NECTIN1: variants seen among roughly 807,000 people sequenced by gnomAD.
The protein encoded by NECTIN1 is nectin-1.
NECTIN1 carries 23 observed loss-of-function variants against 48.0 expected under a neutral mutation model. The ratio of observed to expected loss-of-function variants is 0.48; its 90% CI spans 0.34 to 0.68. The LOEUF (loss-of-function observed/expected upper bound fraction) is 0.68, where lower values mean the gene tolerates loss of function less well. Among genes scored for constraint, NECTIN1 ranks in the 30% least tolerant of loss-of-function variants. The pLI, the probability that NECTIN1 is intolerant of heterozygous loss-of-function variation, is 0.01. For missense variants in NECTIN1, 591 were observed against 709.9 expected, an observed-to-expected ratio of 0.83 and a Z score of 1.90; for synonymous variants, 270 against 288.9, an observed-to-expected ratio of 0.93 and a Z score of 0.66.
chr11:119,648,316 A>ATGGTGGTGG (rs1565376589), intron 5 of NECTIN1, among the ~76,000 whole-genome samples: 1 of 8,976 alleles, frequency 1.1e-4, no homozygotes, highest in Non-Finnish European at 1.8e-4. Context: ...GATGGTGGTG[A>ATGGTGGTGG]TGGTGATGGT....
intron 1 of NECTIN1, among the ~76,000 whole-genome samples, chr11:119,701,139 G>A (rs1310860996): frequency 6.6e-6 from 1 of 152,182 alleles, no homozygotes; most frequent in African/African-American, 2.4e-5. Context: ...GCCTTGTAAC[G>A]TATGTAACTG....
At position 119,677,116 on chromosome 11, in the gene NECTIN1, C is replaced by T. The variant is rs749722693; in HGVS notation, c.837G>A (p.Glu279=). ...CKADANPPAT[E]YHWTTLNGSL... The stretch of plus-strand genomic sequence containing the variant: ...GCAGCACTTACGTGGTCCAGTGGTA[C>T]TCAGTGGCTGGGGGGTTAGCATCAG... The change falls in exon 4 of 6, where the codon GAG becomes GAA. Residue 279 remains glutamate (E), a synonymous_variant. Coordinates refer to ENST00000264025, the MANE Select transcript of NECTIN1 (RefSeq NM_002855.5). This position sits in a 1 kb window ranked among gnomAD's most constrained non-coding sequence, Gnocchi z 5.4. 3 of 1,614,010 alleles carry T rather than the reference C, an allele frequency of 1.9e-6. No homozygotes were observed. In the Admixed American group the frequency reaches 5.0e-5, roughly 27 times the overall value.
Position 119,661,189 on chromosome 11 carries a change from C to G in NECTIN1, c.*3558G>C. ...CGCCGAAGCAAGGTAGCGCATCACG[C>G]TGGGAGGGGAGGGTGGCAGCTTCTC... On this transcript the variant is annotated 3_prime_UTR_variant, in exon 6 of 6. Transcript: ENST00000264025. The G allele has an allele frequency of 1.0e-6, 1 of 985,858 alleles. No individual in the cohort carries two copies. Among genetic ancestry groups the G allele is most frequent in the Non-Finnish European group, 1.2e-6 (1 of 829,936 alleles). The allele number at this position is 985,858 out of a possible 1,614,324, so 61.1% of individuals were successfully genotyped here. A position where few individuals can be genotyped will look rare whatever the true frequency, so the allele number is the denominator to read the frequency against.
intron 5 of NECTIN1, among the ~76,000 whole-genome samples, chr11:119,649,016 A>G (rs1314195404): frequency 2.0e-5 from 3 of 152,306 alleles, no homozygotes; most frequent in Non-Finnish European, 4.4e-5. Flanking sequence ...CAGAGTCAGA[A>G]AGATGTGAGT....
At position 119,678,503 on chromosome 11, in the gene NECTIN1, C is replaced by T. The variant is rs1591459139; in HGVS notation, c.342G>A (p.Leu114=). Residue 114 remains leucine (L), a synonymous_variant, in exon 2 of 6, where the codon CTG becomes CTA. Coordinates refer to ENST00000264025, the MANE Select transcript of NECTIN1 (RefSeq NM_002855.5). This position sits in a 1 kb window ranked among gnomAD's most constrained non-coding sequence, Gnocchi z 4.4. ...TGTAGACACCCTCATCCTCCAGCTC[C>T]AGGCGGGAGAGGCGGATAGTGCCAT... ...FTDGTIRLSR[L]ELEDEGVYIC... is the part of the protein sequence containing the mutation. 4 of 1,614,244 alleles carry T rather than the reference C, an allele frequency of 2.5e-6. No homozygotes were observed. Among genetic ancestry groups the T allele is most frequent in the Non-Finnish European group, 3.4e-6 (4 of 1,180,048 alleles).
chr11:119,644,926 G>C (rs1864375852), intron 5 of NECTIN1, among the ~76,000 whole-genome samples: 3 of 152,154 alleles, frequency 2.0e-5, no homozygotes, highest in African/African-American at 7.2e-5. Context: ...TAATAGTAAT[G>C]CCCTCTCTCC....
At position 119,678,578 on chromosome 11, in the gene NECTIN1, C is replaced by T. The variant is rs1409214585; in HGVS notation, c.267G>A (p.Val89=). ...CCACACGCTCGCGGTAGGGAGCCAG[C>T]ACGGACACGCCCATGGATGGGTTGT... ...AIYNPSMGVS[V]LAPYRERVEF... The change falls in exon 2 of 6, where the codon GTG becomes GTA. Residue 89 remains valine (V), a synonymous_variant. Coordinates refer to ENST00000264025, the MANE Select transcript of NECTIN1 (RefSeq NM_002855.5). This position sits in a 1 kb window ranked among gnomAD's most constrained non-coding sequence, Gnocchi z 4.4. The T allele has an allele frequency of 1.2e-6, 2 of 1,614,078 alleles. No individual in the cohort carries two copies. The highest frequency in any genetic ancestry group is 1.7e-6 in the Non-Finnish European group (2 of 1,180,040).
At chr11:119,717,709 C>T (rs546145258) in intron 1 of NECTIN1, among the ~76,000 whole-genome samples, 136 of 152,318 alleles carry the variant, frequency 8.9e-4, no homozygotes, top group African/African-American at 3.0e-3. Flanking sequence ...GGGCCCGGTC[C>T]CAGAGGGCAG....
chr11:119,695,734 T>C (rs936010575), intron 1 of NECTIN1, among the ~76,000 whole-genome samples: 1 of 152,208 alleles, frequency 6.6e-6, no homozygotes, highest in Non-Finnish European at 1.5e-5. Flanking sequence ...AGAGAAAGGC[T>C]GATGGGCTGC....
intron 5 of NECTIN1, among the ~76,000 whole-genome samples, chr11:119,650,764 AATGATAGT>A (rs1282524019): frequency 3.2e-4 from 48 of 152,088 alleles, no homozygotes; most frequent in Admixed American, 2.6e-4. Context: ...CTGTGTTGGG[AATGATAGT>A]AAGAGTAATA....
At chr11:119,648,328 G>C (rs1167053789) in intron 5 of NECTIN1, among the ~76,000 whole-genome samples, 1 of 71,754 alleles carries the variant, frequency 1.4e-5, no homozygotes, top group Non-Finnish European at 2.7e-5. Flanking sequence ...GGTGATGGTG[G>C]TGATGGTGGT....
At position 119,714,913 on chromosome 11, in the gene NECTIN1, T is replaced by C. The variant is rs75387575; in HGVS notation, c.79+13562A>G. ...ACATATGGAGCTGTTACTGGGGATCTGAGGGGAGCACCTGAGATGGTGAGG... is the reference window on the plus strand; with the variant it reads ...ACATATGGAGCTGTTACTGGGGATCCGAGGGGAGCACCTGAGATGGTGAGG... On this transcript the variant is annotated intron_variant, in intron 1 of 5. Coordinates refer to ENST00000264025, the MANE Select transcript of NECTIN1 (RefSeq NM_002855.5). Among the ~76,000 whole-genome samples the C allele has an allele frequency of 4.7e-4, 72 of 152,190 alleles. No homozygotes were observed. The East Asian group carries it at 0.013, about 28-fold the overall frequency.
Position 119,664,872 on chromosome 11 carries a change from G to A in NECTIN1, c.1429C>T (p.Arg477Cys), listed in dbSNP as rs780717440. The change falls in exon 6 of 6, where the codon CGT becomes TGT. Residue 477 changes from arginine (R) to cysteine (C), a missense_variant. Physicochemically the swap from Arg to Cys is radical, Grantham distance 180. Coordinates refer to ENST00000264025, the MANE Select transcript of NECTIN1 (RefSeq NM_002855.5). ...GTCCGGTCCCCGTAGCCGTCCTGAC[G>A]GGCCTCGGCCTCATCCACGGTGAAG... is the stretch of plus-strand genomic sequence containing the variant. ...PYFTVDEAEA[R>C]QDGYGDRTLG... 5 of 1,614,014 alleles carry A rather than the reference G, an allele frequency of 3.1e-6. No individual in the cohort carries two copies. Among genetic ancestry groups the A allele is most frequent in the Admixed American group, 1.7e-5 (1 of 60,010 alleles).
In NECTIN1 at chr11:119,662,255, G is replaced by A; in HGVS notation, c.*2492C>T. 1.0e-6 allele frequency: 1 copy of A among 985,578 alleles called. No homozygotes were observed. The highest frequency in any genetic ancestry group is 1.2e-6 in the Non-Finnish European group (1 of 829,944). 61.1% of individuals were successfully genotyped at this position (985,578 alleles called of 1,614,324 possible). ...CCTTTTGCCAGCTGGCTGTGTCTGTGGGCCCAGCAGTAGTGCCCACCTTCC... is the reference window on the plus strand; with the variant it reads ...CCTTTTGCCAGCTGGCTGTGTCTGTAGGCCCAGCAGTAGTGCCCACCTTCC... On this transcript the variant is annotated 3_prime_UTR_variant, in exon 6 of 6. Transcript: ENST00000264025. The surrounding 1 kb of genome is among the most constrained non-coding windows in gnomAD (Gnocchi z 5.3).
chr11:119,674,921 C>T (rs1281187154), intron 5 of NECTIN1, among the ~76,000 whole-genome samples: 1 of 152,230 alleles, frequency 6.6e-6, no homozygotes, highest in Non-Finnish European at 1.5e-5. Context: ...TCCTTCTTCC[C>T]TCTCAGAGCC....
chr11:119,647,160 CATGTGTGTGTGTGTGTGT>C (rs1302452810), intron 5 of NECTIN1, among the ~76,000 whole-genome samples: 1,125 of 71,350 alleles, frequency 0.016, 20 homozygotes, highest in African/African-American at 0.051. Context: ...GCTTGCGGCG[CATGTGTGTGTGTGTGTGT>C]GTGTGTGTGT....
rs139333092 is a variant in NECTIN1 at position 119,678,305 on chromosome 11, G to A, written c.430+110C>T. 8 of 1,035,854 alleles carry A rather than the reference G, an allele frequency of 7.7e-6. No individual in the cohort carries two copies. The highest frequency in any genetic ancestry group is 1.2e-5 in the Non-Finnish European group (8 of 664,146). 64.2% of individuals were successfully genotyped at this position (1,035,854 alleles called of 1,614,324 possible). ...AAGCCTCATGCCTAGAATGATGGCA[G>A]CATGCCCACCCAAGGGGGATGTCTG... On this transcript the variant is annotated intron_variant, in intron 2 of 5. Transcript: ENST00000264025. The surrounding 1 kb of genome is among the most constrained non-coding windows in gnomAD (Gnocchi z 4.4).
intron 1 of NECTIN1, among the ~76,000 whole-genome samples, chr11:119,722,626 A>G (rs1565405380): frequency 6.6e-6 from 1 of 152,230 alleles, no homozygotes; most frequent in Non-Finnish European, 1.5e-5. Context: ...CTGCCTAGGT[A>G]GCCCTCAACC....
intron 1 of NECTIN1, among the ~76,000 whole-genome samples, chr11:119,703,503 A>G (rs1315576522): frequency 1.3e-5 from 2 of 152,184 alleles, no homozygotes; most frequent in Non-Finnish European, 1.5e-5. Flanking sequence ...GGTCCCACAC[A>G]GATCCCCTGT....
Sources: allele counts gnomAD v4.1 joint callset (sites outside exome capture counted in the v4.1 genomes callset), GRCh38; gene constraint gnomAD v4.1.1; non-coding constraint Gnocchi (gnomAD v3.1); transcripts MANE v1.5; gene names NCBI Gene and HGNC (gene_info 2026-07-23, HGNC 2026-07-21).